Variants in ZC3H18 observed in about 807,000 individuals in gnomAD.
ZC3H18 encodes the protein zinc finger CCCH domain-containing protein 18.
In ZC3H18, 8 loss-of-function variants were observed where a neutral mutation model predicts 106.1. That is an observed-to-expected ratio of 0.08 (90% CI 0.04 to 0.14). ZC3H18 has a LOEUF of 0.14. Among genes scored for constraint, ZC3H18 ranks in the 10% least tolerant of loss-of-function variants. The pLI, the probability that ZC3H18 is intolerant of heterozygous loss-of-function variation, is 1.00. For synonymous variants in ZC3H18, 635 were observed against 522.1 expected (o/e 1.22, Z -2.95); for missense variants, 1,318 against 1,278.4 (o/e 1.03, Z -0.47).
intron 6 of ZC3H18, 115 bp downstream of exon 6, chr16:88,600,063 A>G: frequency 7.6e-7 from 1 of 1,309,768 alleles, no homozygotes; most frequent in East Asian, 2.4e-5. Flanking sequence ...AGCCCCACTC[A>G]CTGGAGTCTC....
At chr16:88,596,360 G>A (rs914338592) in intron 3 of ZC3H18, among the ~76,000 whole-genome samples, 22 of 152,252 alleles carry the variant, frequency 1.4e-4, no homozygotes, top group African/African-American at 5.3e-4. Context: ...GAAGTACAGA[G>A]GCCGAGTGTG....
At chr16:88,570,862 C>T (rs1914355299) in intron 1 of ZC3H18, among the ~76,000 whole-genome samples, 2 of 152,246 alleles carry the variant, frequency 1.3e-5, no homozygotes, top group South Asian at 2.1e-4. Flanking sequence ...CTGAAGCTGT[C>T]ATTTCTCTTC....
chr16:88,600,561 C>G (rs567624734), intron 6 of ZC3H18, among the ~76,000 whole-genome samples: 1 of 152,292 alleles, frequency 6.6e-6, no homozygotes, highest in Non-Finnish European at 1.5e-5. Flanking sequence ...CTACAGGTGT[C>G]TGCTACCACA....
At chr16:88,625,111 G>A in intron 12 of ZC3H18, 91 bp from the exon 13 acceptor site, 1 of 1,444,692 alleles carries the variant, frequency 6.9e-7, no homozygotes. Context: ...CAGTCTGGAG[G>A]CTCACCTCAC....
At chr16:88,596,750 A>G (rs777693418) in intron 3 of ZC3H18, among the ~76,000 whole-genome samples, 16 of 152,202 alleles carry the variant, frequency 1.1e-4, no homozygotes, top group Admixed American at 3.9e-4. Flanking sequence ...TTACTTGTTT[A>G]GTTACACACG....
At chr16:88,623,057 A>ATGCGTCTGTGCGCGCGTC in intron 9 of ZC3H18, 162 bp from the exon 10 acceptor site, 1 of 963,832 alleles carries the variant, frequency 1.0e-6, no homozygotes, top group East Asian at 2.7e-5. Context: ...GGGAGGCTGT[A>ATGCGTCTGTGCGCGCGTC]TGCGTCTGTG....
chr16:88,622,991 C>T (rs1238429353), intron 9 of ZC3H18: 2 of 618,396 alleles, frequency 3.2e-6, no homozygotes, highest in Non-Finnish European at 2.7e-6. Context: ...ACGCCCAGGT[C>T]TTGATTTCTA....
intron 8 of ZC3H18, among the ~76,000 whole-genome samples, chr16:88,614,421 C>G (rs1905454606): frequency 6.6e-6 from 1 of 152,252 alleles, no homozygotes; most frequent in Non-Finnish European, 1.5e-5. Context: ...CACAAGTCAT[C>G]TACGCTTTTC....
At chr16:88,578,809 G>T (rs1324781972) in intron 2 of ZC3H18, among the ~76,000 whole-genome samples, 8 of 152,160 alleles carry the variant, frequency 5.3e-5, no homozygotes, top group Admixed American at 4.6e-4. Flanking sequence ...TCCTGCCTCA[G>T]CCTCCTGAGT....
intron 6 of ZC3H18, among the ~76,000 whole-genome samples, chr16:88,604,665 G>A (rs1355684931): frequency 2.0e-5 from 3 of 152,168 alleles, no homozygotes; most frequent in Non-Finnish European, 4.4e-5. Flanking sequence ...CAGCCTGGGC[G>A]ACAGAGCAAG....
intron 3 of ZC3H18, among the ~76,000 whole-genome samples, chr16:88,590,632 G>T: frequency 7.2e-6 from 1 of 139,188 alleles, no homozygotes; most frequent in Middle Eastern, 3.9e-3. Context: ...GTGAGATCTC[G>T]GCTCGTTGGA....
intron 3 of ZC3H18, among the ~76,000 whole-genome samples, chr16:88,589,951 A>T (rs893848846): frequency 1.3e-5 from 2 of 152,356 alleles, no homozygotes; most frequent in Middle Eastern, 3.4e-3. Flanking sequence ...ATTTTATGTT[A>T]TGTGAATTGT....
chr16:88,583,797 C>A (rs1208119488), intron 2 of ZC3H18, among the ~76,000 whole-genome samples: 1 of 152,136 alleles, frequency 6.6e-6, no homozygotes, highest in Non-Finnish European at 1.5e-5. Context: ...GTTGAGAGCC[C>A]CACGGGCACC....
At chr16:88,572,598 C>A (rs1445935722) in intron 1 of ZC3H18, among the ~76,000 whole-genome samples, 1 of 151,964 alleles carries the variant, frequency 6.6e-6, no homozygotes, top group Admixed American at 6.6e-5. Flanking sequence ...GGATTTAGTT[C>A]TAAATTGTGC....
chr16:88,608,893 C>T, intron 6 of ZC3H18, 41 bp from the exon 7 acceptor site: 1 of 1,525,512 alleles, frequency 6.6e-7, no homozygotes. Flanking sequence ...TACGCCAGTG[C>T]TCCTAAGTGA....
At chr16:88,602,646 G>A (rs1258793995) in intron 6 of ZC3H18, among the ~76,000 whole-genome samples, 1 of 152,226 alleles carries the variant, frequency 6.6e-6, no homozygotes, top group Non-Finnish European at 1.5e-5. Context: ...ATTCTCTGAA[G>A]ATACCATGTT....
chr16:88,603,438 C>T (rs558798983), intron 6 of ZC3H18, among the ~76,000 whole-genome samples: 149 of 151,276 alleles, frequency 9.8e-4, no homozygotes, highest in Non-Finnish European at 1.8e-3. Flanking sequence ...CTGGGCAACA[C>T]GGTGAAACCC....
intron 8 of ZC3H18, among the ~76,000 whole-genome samples, chr16:88,614,751 C>T (rs1905475371): frequency 6.6e-6 from 1 of 152,254 alleles, no homozygotes; most frequent in African/African-American, 2.4e-5. Context: ...CATTGTGCCG[C>T]CTTCTTCAGC....
chr16:88,605,708 C>T (rs1399737137), intron 6 of ZC3H18, among the ~76,000 whole-genome samples: 2 of 152,212 alleles, frequency 1.3e-5, no homozygotes, highest in Non-Finnish European at 2.9e-5. Context: ...TTTTTGAGAT[C>T]CAGTTTCCTT....
Sources: allele counts gnomAD v4.1 joint callset (sites outside exome capture counted in the v4.1 genomes callset), GRCh38; gene constraint gnomAD v4.1.1; transcripts MANE v1.5; gene names NCBI Gene and HGNC (gene_info 2026-07-23, HGNC 2026-07-21).